Variants in KANSL1L observed in about 807,000 individuals in gnomAD.
KANSL1L encodes KAT8 regulatory NSL complex subunit 1 like.
A neutral mutation model predicts 108.6 loss-of-function variants in KANSL1L; 25 were observed. The observed-to-expected ratio is 0.23, with a 90% CI of 0.17 to 0.32. KANSL1L has a LOEUF of 0.32. Among genes scored for constraint, KANSL1L ranks in the 10% least tolerant of loss-of-function variants. The probability of loss-of-function intolerance (pLI) is 1.00; values close to 1 mark genes in which losing one functional copy is unlikely to be tolerated. For synonymous variants in KANSL1L, 405 were observed against 395.1 expected (o/e 1.03, Z -0.30); for missense variants, 1,137 against 1,125.7 (o/e 1.01, Z -0.14).
At chr2:210,151,472 CTTCT>C (rs2125633244) in intron 2 of KANSL1L, 1 of 152,316 alleles carries the variant, frequency 6.6e-6, no homozygotes, top group East Asian at 1.9e-4. Flanking sequence ...AATTTTCAGA[CTTCT>C]TTCAGAACAC....
intron 5 of KANSL1L, among the ~76,000 whole-genome samples, chr2:210,087,904 A>G (rs2094653147): frequency 6.6e-6 from 1 of 152,200 alleles, no homozygotes; most frequent in Admixed American, 6.5e-5. Context: ...TATTCTTAAC[A>G]ATAAAAATTT....
intron 12 of KANSL1L, among the ~76,000 whole-genome samples, chr2:210,025,678 TC>T (rs1382588560): frequency 6.6e-6 from 1 of 152,192 alleles, no homozygotes; most frequent in East Asian, 1.9e-4. Flanking sequence ...AACTCCAAAT[TC>T]CTGTAAAAGG....
At chr2:210,162,770 C>G (rs553827513) in intron 1 of KANSL1L, among the ~76,000 whole-genome samples, 63 of 152,118 alleles carry the variant, frequency 4.1e-4, no homozygotes, top group Middle Eastern at 3.4e-3. Context: ...ATCAAGATAC[C>G]AACGTGTTTA....
At position 210,056,929 on chromosome 2, in the gene KANSL1L, T is replaced by A. The variant is rs571824964; in HGVS notation, c.1756-12825A>T. 1.7e-4 allele frequency among the ~76,000 whole-genome samples: 26 copies of A among 152,334 alleles called. No homozygotes were observed. In the South Asian group the frequency reaches 5.4e-3, roughly 32 times the overall value. On this transcript the variant is annotated intron_variant, in intron 6 of 14. Transcript: ENST00000281772. Reference sequence around the variant, plus strand: ...CCAAAGCAGACGCCAAGGCAAAGATTGTTTAATATCAATGGTCACAAATTT... The same window carrying A: ...CCAAAGCAGACGCCAAGGCAAAGATAGTTTAATATCAATGGTCACAAATTT...
At chr2:210,069,303 A>C (rs904947050) in intron 6 of KANSL1L, among the ~76,000 whole-genome samples, 5 of 152,128 alleles carry the variant, frequency 3.3e-5, no homozygotes, top group Admixed American at 6.5e-5. Context: ...GTTTCTAGCA[A>C]ATTCTGTTCA....
rs1213738280 is a variant in KANSL1L, at chr2:210,153,744, G to A, written c.839C>T (p.Thr280Ile). Reference sequence around the variant, plus strand: ...TTTAGGTAAACTATTACCCAAAATTGTGGTAGGTTCATGAAATGTCTTCAT... The same window carrying A: ...TTTAGGTAAACTATTACCCAAAATTATGGTAGGTTCATGAAATGTCTTCAT... ...PKMKTFHEPT[T>I]ILGNSLPKCT... The change falls in exon 2 of 15, where the codon ACA becomes ATA. Residue 280 changes from threonine (T) to isoleucine (I), a missense_variant. Thr to Ile is a moderately conservative substitution (Grantham distance 89, BLOSUM62 -1). Around this residue, in one of 3 missense-constraint regions of KANSL1L, gnomAD observed 556 missense variants for 537.7 expected, o/e 1.03. Transcript: ENST00000281772. 1.9e-6 allele frequency: 3 copies of A among 1,608,472 alleles called. No individual in the cohort carries two copies. Among genetic ancestry groups the A allele is most frequent in the Non-Finnish European group, 2.5e-6 (3 of 1,178,092 alleles).
chr2:210,129,896 C>T (rs1328003896), intron 2 of KANSL1L, among the ~76,000 whole-genome samples: 1 of 150,664 alleles, frequency 6.6e-6, no homozygotes, highest in Non-Finnish European at 1.5e-5. Flanking sequence ...CCTAGTACCT[C>T]TTGTCATTTG....
intron 4 of KANSL1L, among the ~76,000 whole-genome samples, chr2:210,100,998 A>G (rs2094788604): frequency 6.6e-6 from 1 of 152,218 alleles, no homozygotes; most frequent in South Asian, 2.1e-4. Flanking sequence ...CATTATTACC[A>G]CATTTCAAGA....
At chr2:210,133,102 A>G (rs2095141099) in intron 2 of KANSL1L, among the ~76,000 whole-genome samples, 1 of 152,104 alleles carries the variant, frequency 6.6e-6, no homozygotes, top group African/African-American at 2.4e-5. Context: ...TTCATAATAC[A>G]GTCATCCCTT....
At position 210,056,661 on chromosome 2, in the gene KANSL1L, A is replaced by G. The variant is rs1286295805; in HGVS notation, c.1756-12557T>C. 1.3e-5 allele frequency among the ~76,000 whole-genome samples: 2 copies of G among 152,112 alleles called. 1 individual carries two copies. Among genetic ancestry groups the G allele is most frequent in the Admixed American group, 1.3e-4 (2 of 15,276 alleles). On this transcript the variant is annotated intron_variant, in intron 6 of 14. Coordinates refer to ENST00000281772, the MANE Select transcript of KANSL1L (RefSeq NM_152519.4). The stretch of plus-strand genomic sequence containing the variant: ...ATGTCCAGCTAATTTTTATATTTTT[A>G]GTAGAGATAGAGTTTCACCATGTTG...
At chr2:210,057,674 C>A (rs1376126051) in intron 6 of KANSL1L, among the ~76,000 whole-genome samples, 1 of 152,176 alleles carries the variant, frequency 6.6e-6, no homozygotes, top group East Asian at 1.9e-4. Flanking sequence ...CGGCTGAAGC[C>A]ATGGCAGAAG....
At chr2:210,042,787 G>T (rs1463981142) in intron 7 of KANSL1L, among the ~76,000 whole-genome samples, 1 of 152,068 alleles carries the variant, frequency 6.6e-6, no homozygotes, top group Non-Finnish European at 1.5e-5. Context: ...GAATAAAATA[G>T]TTCTTGTTAA....
intron 3 of KANSL1L, 30 bp from the exon 4 acceptor site, chr2:210,104,331 T>A (rs1444081117): frequency 6.4e-7 from 1 of 1,557,912 alleles, no homozygotes; most frequent in Non-Finnish European, 8.8e-7. Context: ...AAAGTTGAAA[T>A]GAAAACAAAC....
At chr2:210,143,469 G>T (rs189439534) in intron 2 of KANSL1L, among the ~76,000 whole-genome samples, 84 of 152,164 alleles carry the variant, frequency 5.5e-4, no homozygotes, top group African/African-American at 1.9e-3. Context: ...ATAGGTAAAG[G>T]TTTATTATTG....
intron 1 of KANSL1L, chr2:210,170,411 T>G: frequency 1.0e-6 from 1 of 984,850 alleles, no homozygotes; most frequent in Non-Finnish European, 1.2e-6. Context: ...GTCCATCCAG[T>G]GCCTGCCCTC....
At chr2:210,067,592 A>T (rs1478302587) in intron 6 of KANSL1L, among the ~76,000 whole-genome samples, 2 of 151,496 alleles carry the variant, frequency 1.3e-5, no homozygotes, top group African/African-American at 4.9e-5. Context: ...CATCTCAGCT[A>T]CTCCGGAGGC....
intron 5 of KANSL1L, among the ~76,000 whole-genome samples, chr2:210,077,764 A>C (rs2094552728): frequency 6.6e-6 from 1 of 152,010 alleles, no homozygotes; most frequent in South Asian, 2.1e-4. Flanking sequence ...ACTATTTACA[A>C]CTCCAGTTGT....
chr2:210,101,777 T>C (rs891524252), intron 4 of KANSL1L, among the ~76,000 whole-genome samples: 6 of 152,216 alleles, frequency 3.9e-5, no homozygotes, highest in Non-Finnish European at 7.3e-5. Context: ...TGGGCAATTA[T>C]AAATTTAACA....
chr2:210,108,504 T>C (rs1001924317), intron 3 of KANSL1L, among the ~76,000 whole-genome samples: 2 of 152,196 alleles, frequency 1.3e-5, no homozygotes, highest in African/African-American at 2.4e-5. Flanking sequence ...GGATTATGAA[T>C]CAGACTGTCT....
Sources: allele counts gnomAD v4.1 joint callset (sites outside exome capture counted in the v4.1 genomes callset), GRCh38; gene constraint gnomAD v4.1.1; regional missense constraint gnomAD v4.1.1; transcripts MANE v1.5; gene names NCBI Gene and HGNC (gene_info 2026-07-23, HGNC 2026-07-21).